XYLT1: variants seen among roughly 807,000 people sequenced by gnomAD.
XYLT1 encodes the protein beta-D-xylosyltransferase 1.
In XYLT1, 36 loss-of-function variants were observed where a neutral mutation model predicts 91.3. The observed-to-expected ratio is 0.39, with a 90% CI of 0.30 to 0.52. XYLT1 has a LOEUF of 0.52. Among genes scored for constraint, XYLT1 ranks in the 20% least tolerant of loss-of-function variants. The pLI, the probability that XYLT1 is intolerant of heterozygous loss-of-function variation, is 0.68. For synonymous variants in XYLT1, 588 were observed against 532.0 expected, an observed-to-expected ratio of 1.11 and a Z score of -1.45; for missense variants, 1,242 against 1,284.5, an observed-to-expected ratio of 0.97 and a Z score of 0.51.
chr16:17,252,589 A>G (rs1426811543), intron 3 of XYLT1, among the ~76,000 whole-genome samples: 1 of 152,176 alleles, frequency 6.6e-6, no homozygotes, highest in African/African-American at 2.4e-5. Flanking sequence ...AAAGGGATGG[A>G]GCTGGGGCTT....
chr16:17,129,371 C>T (rs2030386383), intron 9 of XYLT1, among the ~76,000 whole-genome samples: 1 of 152,152 alleles, frequency 6.6e-6, no homozygotes, highest in African/African-American at 2.4e-5. Context: ...AAGCGATTCT[C>T]CTGACTCAGC....
rs1363668032 is a variant in XYLT1, at chr16:17,104,201, C to T, written c.*4494G>A. On this transcript the variant is annotated 3_prime_UTR_variant, in exon 12 of 12. Coordinates refer to ENST00000261381, the MANE Select transcript of XYLT1 (RefSeq NM_022166.4). ...ATGGGACAAGATGGCTGTGTCAACACTTGGGATTTGGAGAGAGCCTGGCTG... is the reference window on the plus strand; with the variant it reads ...ATGGGACAAGATGGCTGTGTCAACATTTGGGATTTGGAGAGAGCCTGGCTG... 1 of 152,806 alleles carries T rather than the reference C, an allele frequency of 6.5e-6. No homozygotes were observed. Among genetic ancestry groups the T allele is most frequent in the Non-Finnish European group, 1.5e-5 (1 of 68,180 alleles). The allele number at this position is 152,806 out of a possible 1,614,324, so 9.5% of individuals were successfully genotyped here.
intron 6 of XYLT1, among the ~76,000 whole-genome samples, 186 bp from the exon 7 acceptor site, chr16:17,141,555 C>T (rs570012521): frequency 1.3e-5 from 2 of 152,256 alleles, no homozygotes; most frequent in South Asian, 2.1e-4. Flanking sequence ...GGCATGTCAC[C>T]GTATTTACCC....
intron 1 of XYLT1, among the ~76,000 whole-genome samples, chr16:17,407,168 T>C (rs985625465): frequency 6.6e-6 from 1 of 151,884 alleles, no homozygotes; most frequent in Non-Finnish European, 1.5e-5. Context: ...CCCCAGCTAG[T>C]TTTTATATTT....
At chr16:17,317,391 G>T (rs1054843118) in intron 2 of XYLT1, among the ~76,000 whole-genome samples, 1 of 151,832 alleles carries the variant, frequency 6.6e-6, no homozygotes, top group African/African-American at 2.4e-5. Context: ...TCAGCACTTT[G>T]GGAGGCCTAG....
intron 2 of XYLT1, among the ~76,000 whole-genome samples, chr16:17,261,348 C>T (rs1444636581): frequency 1.3e-5 from 2 of 151,902 alleles, no homozygotes; most frequent in African/African-American, 4.8e-5. Context: ...ACTAAGACAC[C>T]TTGTGGCCAT....
At chr16:17,186,060 G>C (rs778272057) in intron 5 of XYLT1, among the ~76,000 whole-genome samples, 2 of 152,026 alleles carry the variant, frequency 1.3e-5, no homozygotes, top group Admixed American at 6.6e-5. Context: ...GCATCCACAA[G>C]GAATTTACAT....
chr16:17,365,196 C>T (rs2035436236), intron 1 of XYLT1, among the ~76,000 whole-genome samples: 1 of 152,150 alleles, frequency 6.6e-6, no homozygotes, highest in African/African-American at 2.4e-5. Flanking sequence ...ACCTGGCTAC[C>T]ACCCTCCACT....
chr16:17,164,988 G>A (rs1183527365), intron 5 of XYLT1, among the ~76,000 whole-genome samples: 3 of 152,290 alleles, frequency 2.0e-5, no homozygotes, highest in South Asian at 4.1e-4. Context: ...GTAACCACAG[G>A]AGAAGTGCAC....
At chr16:17,119,017 C>T (rs915173441) in intron 10 of XYLT1, among the ~76,000 whole-genome samples, 2 of 152,182 alleles carry the variant, frequency 1.3e-5, no homozygotes, top group South Asian at 2.1e-4. Context: ...GTGTCATTCC[C>T]TACTGCTTTA....
chr16:17,364,580 G>C (rs765911611), intron 1 of XYLT1, among the ~76,000 whole-genome samples: 1 of 152,120 alleles, frequency 6.6e-6, no homozygotes, highest in African/African-American at 2.4e-5. Context: ...CCGTAGATAC[G>C]AGTGCAACCT....
chr16:17,359,213 G>C (rs1015812433), intron 1 of XYLT1, among the ~76,000 whole-genome samples: 1 of 152,158 alleles, frequency 6.6e-6, no homozygotes, highest in Non-Finnish European at 1.5e-5. Context: ...TAGAGAATGG[G>C]CATGATTTTA....
chr16:17,320,606 A>C (rs2034702258), intron 2 of XYLT1, among the ~76,000 whole-genome samples: 1 of 151,252 alleles, frequency 6.6e-6, no homozygotes, highest in Admixed American at 6.6e-5. Context: ...CAGCCTCCCA[A>C]GTAGCTAGGA....
At chr16:17,309,009 TTC>T (rs1419687340) in intron 2 of XYLT1, among the ~76,000 whole-genome samples, 14 of 147,644 alleles carry the variant, frequency 9.5e-5, no homozygotes, top group African/African-American at 3.5e-4. Context: ...AAAAAAAAGG[TTC>T]AAGGAAAAAC....
chr16:17,468,195 C>A (rs2036925540), intron 1 of XYLT1, among the ~76,000 whole-genome samples: 1 of 151,900 alleles, frequency 6.6e-6, no homozygotes, highest in African/African-American at 2.4e-5. Context: ...TAGGACAGAC[C>A]CCGGGCTCCA....
At chr16:17,308,271 C>T (rs2034496728) in intron 2 of XYLT1, among the ~76,000 whole-genome samples, 1 of 152,192 alleles carries the variant, frequency 6.6e-6, no homozygotes, top group Non-Finnish European at 1.5e-5. Context: ...CTGGACCCTG[C>T]CACTTAAGTT....
intron 1 of XYLT1, among the ~76,000 whole-genome samples, chr16:17,359,658 A>G (rs192153150): frequency 7.9e-4 from 121 of 152,272 alleles, no homozygotes; most frequent in African/African-American, 2.8e-3. Context: ...TACCCAAGAA[A>G]ACATGGAGGG....
intron 1 of XYLT1, among the ~76,000 whole-genome samples, chr16:17,395,640 G>A (rs1173199421): frequency 1.3e-5 from 2 of 152,214 alleles, no homozygotes; most frequent in Non-Finnish European, 2.9e-5. Context: ...GCTCACAGAA[G>A]TACAGAACAA....
intron 3 of XYLT1, among the ~76,000 whole-genome samples, chr16:17,206,598 T>C (rs1415035895): frequency 6.6e-6 from 1 of 152,156 alleles, no homozygotes; most frequent in Non-Finnish European, 1.5e-5. Flanking sequence ...ATACTTCTCA[T>C]GGTGGCTTGC....
Sources: allele counts gnomAD v4.1 joint callset (sites outside exome capture counted in the v4.1 genomes callset), GRCh38; gene constraint gnomAD v4.1.1; transcripts MANE v1.5; gene names NCBI Gene and HGNC (gene_info 2026-07-23, HGNC 2026-07-21).